SYNE1: variants seen among roughly 807,000 people sequenced by gnomAD.
SYNE1 encodes the protein nesprin-1.
SYNE1 carries 616 observed loss-of-function variants against 1,111.0 expected under a neutral mutation model. That is an observed-to-expected ratio of 0.55 (90% CI 0.52 to 0.59). SYNE1 has a LOEUF of 0.59. SYNE1 is among the 20% of genes least tolerant of loss of function. SYNE1 has a pLI of 0.00. For synonymous variants in SYNE1, 3,855 were observed against 3,825.8 expected, an observed-to-expected ratio of 1.01 and a Z score of -0.28; for missense variants, 10,006 against 10,417.0, an observed-to-expected ratio of 0.96 and a Z score of 1.72.
At chr6:152,193,881 T>C (rs775863787) in intron 127 of SYNE1, among the ~76,000 whole-genome samples, 51 of 151,574 alleles carry the variant, frequency 3.4e-4, no homozygotes, top group Middle Eastern at 6.8e-3. Flanking sequence ...GGCGTGGTGG[T>C]GGGTGCCTGT....
intron 59 of SYNE1, among the ~76,000 whole-genome samples, chr6:152,370,155 C>A (rs2097156025): frequency 6.6e-6 from 1 of 152,020 alleles, no homozygotes; most frequent in African/African-American, 2.4e-5. Context: ...CTCTCTGGCC[C>A]ACTTCTGAGA....
chr6:152,546,424 C>A (rs1368193065), intron 3 of SYNE1: 1 of 152,148 alleles, frequency 6.6e-6, no homozygotes, highest in Non-Finnish European at 1.5e-5. Context: ...TGAGTCTGGG[C>A]TGGCATTGAG....
chr6:152,605,017 A>AGG (rs2099609443), intron 3 of SYNE1, among the ~76,000 whole-genome samples: 3 of 65,422 alleles, frequency 4.6e-5, no homozygotes, highest in African/African-American at 2.2e-4. Context: ...AGAGAGAGAG[A>AGG]GAGAGAGAGA....
intron 55 of SYNE1, among the ~76,000 whole-genome samples, chr6:152,382,350 G>C (rs1312299026): frequency 1.3e-5 from 2 of 152,086 alleles, no homozygotes; most frequent in Non-Finnish European, 2.9e-5. Context: ...AGAAACATTG[G>C]AATGTTAAGT....
At chr6:152,369,782 A>T (rs930217422) in intron 59 of SYNE1, among the ~76,000 whole-genome samples, 168 bp from the exon 60 acceptor site, 2 of 152,068 alleles carry the variant, frequency 1.3e-5, no homozygotes, top group African/African-American at 4.8e-5. Flanking sequence ...CAGGAGTTCA[A>T]GACCAGCCTA....
chr6:152,346,926 G>T (rs182543947), intron 73 of SYNE1, 133 bp downstream of exon 73: 49 of 1,030,566 alleles, frequency 4.8e-5, no homozygotes, highest in Non-Finnish European at 6.4e-5. Context: ...ATTTATCCTC[G>T]TATTTCCTGT....
At chr6:152,602,654 G>C (rs1368393675) in intron 3 of SYNE1, among the ~76,000 whole-genome samples, 2 of 152,118 alleles carry the variant, frequency 1.3e-5, no homozygotes, top group Non-Finnish European at 2.9e-5. Flanking sequence ...ATGTGTTTTT[G>C]TTATTTTCAA....
chr6:152,318,418 G>A, intron 85 of SYNE1, 155 bp from the exon 86 acceptor site: 1 of 814,142 alleles, frequency 1.2e-6, no homozygotes, highest in Non-Finnish European at 2.0e-6. Context: ...TTCTTCGGTT[G>A]GAAAGGCAGG....
At position 152,244,567 on chromosome 6, in the gene SYNE1, C is replaced by T. The variant is rs1411241192; in HGVS notation, c.19662G>A (p.Gln6554=). The T allele has an allele frequency of 2.5e-6, 4 of 1,614,092 alleles. No individual in the cohort carries two copies. Among genetic ancestry groups the T allele is most frequent in the Non-Finnish European group, 3.4e-6 (4 of 1,179,966 alleles). The change falls in exon 106 of 146, where the codon CAG becomes CAA. Residue 6554 remains glutamine, a synonymous_variant. Coordinates refer to ENST00000367255, the MANE Select transcript of SYNE1 (RefSeq NM_182961.4). ...KRRGDKLQVE[Q]PSMQELSKLQ... ...GCTTGGAGAGTTCTTGCATGGACGG[C>T]TGCTCGACCTGTAGCTTGTCACCAC... is the stretch of plus-strand genomic sequence containing the variant.
chr6:152,330,882 T>C lies in SYNE1; in HGVS notation c.13803A>G (p.Gln4601=), dbSNP rs1304192816. The C allele has an allele frequency of 1.2e-6, 2 of 1,614,104 alleles. No individual in the cohort carries two copies. The highest frequency in any genetic ancestry group is 1.7e-6 in the Non-Finnish European group (2 of 1,179,944). The change falls in exon 78 of 146, where the codon CAA becomes CAG. Residue 4601 remains glutamine, a synonymous_variant. Transcript: ENST00000367255. ...CAAGAATGTTTTGGTATTTAGCCAG[T>C]TGTGTATGAAGCTCAGAACTCTCAT... ...LMNESSELHT[Q]LAKYQNILEQ... is the part of the protein sequence containing the mutation.
Position 152,331,888 on chromosome 6 carries a change from G to T in SYNE1, c.12797C>A (p.Ser4266Tyr). The T allele has an allele frequency of 6.2e-7, 1 of 1,611,210 alleles. No homozygotes were observed. The highest frequency in any genetic ancestry group is 8.5e-7 in the Non-Finnish European group (1 of 1,179,976). ...GTGGACAGCTGTACTCTCTGCATCA[G>T]ATCTGAAAATACATGGAAAGGTATA... Reference protein sequence around the residue: ...FTTEWDNLARSDAESTAVHLE... With the variant: ...FTTEWDNLARYDAESTAVHLE... The change falls in exon 78 of 146, where the codon TCT (serine) becomes TAT (tyrosine). Residue 4266 changes from serine (S) to tyrosine (Y), a missense_variant and splice_region_variant. By Grantham distance (144) the Ser-to-Tyr change is moderately radical (BLOSUM62 -2). Coordinates refer to ENST00000367255, the MANE Select transcript of SYNE1 (RefSeq NM_182961.4).
chr6:152,466,191 A>C (rs2098766196), intron 16 of SYNE1, 113 bp from the exon 17 acceptor site: 4 of 674,258 alleles, frequency 5.9e-6, no homozygotes, highest in Non-Finnish European at 1.1e-5. Flanking sequence ...TGTTAATCTC[A>C]GTCTTCTTGA....
chr6:152,365,151 G>T, intron 62 of SYNE1, 132 bp from the exon 63 acceptor site: 1 of 1,145,350 alleles, frequency 8.7e-7, no homozygotes, highest in Non-Finnish European at 1.3e-6. Context: ...AGTCGGCTGA[G>T]ACAGAGGGTG....
Position 152,461,574 on chromosome 6 carries a change from T to C in SYNE1, c.2394+23A>G, listed in dbSNP as rs200897414. 1.4e-4 allele frequency: 230 copies of C among 1,613,874 alleles called. 1 individual carries two copies. In the African/African-American group the frequency reaches 2.5e-3, roughly 18 times the overall value. ...GCACTGTTGGTGTCACACAGCCTAT[T>C]GTGCATTAAATTATTTTCGCACCTT... On this transcript the variant is annotated intron_variant, in intron 21 of 145. Coordinates refer to ENST00000367255, the MANE Select transcript of SYNE1 (RefSeq NM_182961.4).
At chr6:152,620,134 A>G (rs530348610) in intron 3 of SYNE1, among the ~76,000 whole-genome samples, 1,618 of 118,720 alleles carry the variant, frequency 0.014, 23 homozygotes, top group African/African-American at 0.04. Context: ...AAAGAAAATT[A>G]ACAACATTAA....
At chr6:152,377,635 AAAAAAATATAT>A (rs1328274837) in intron 56 of SYNE1, among the ~76,000 whole-genome samples, 1 of 79,014 alleles carries the variant, frequency 1.3e-5, no homozygotes, top group African/African-American at 6.5e-5. Flanking sequence ...AAAAAAAAAA[AAAAAAATATAT>A]ATATATATAT....
rs748404200 is a variant in SYNE1, at chr6:152,208,031, C to T, written c.22765G>A (p.Gly7589Ser). ...AGTGGTATAGGAACACTTCCGAGACCACTCATGGGGAGGTAGGACACTTCA... is the reference window on the plus strand; with the variant it reads ...AGTGGTATAGGAACACTTCCGAGACTACTCATGGGGAGGTAGGACACTTCA... Reference protein sequence around the residue: ...LVEVSYLPMSGLGSVPIPLQQ... With the variant: ...LVEVSYLPMSSLGSVPIPLQQ... Residue 7589 changes from glycine to serine, a missense_variant, in exon 125 of 146, where the codon GGT (glycine) becomes AGT (serine). By Grantham distance (56) the Gly-to-Ser change is moderately conservative. Transcript: ENST00000367255. 24 of 1,614,154 alleles carry T rather than the reference C, an allele frequency of 1.5e-5. No individual in the cohort carries two copies. Among genetic ancestry groups the T allele is most frequent in the Non-Finnish European group, 1.9e-5 (23 of 1,180,022 alleles).
chr6:152,190,672 A>G (rs910050090), intron 127 of SYNE1, among the ~76,000 whole-genome samples: 7 of 152,138 alleles, frequency 4.6e-5, no homozygotes, highest in Admixed American at 6.6e-5. Context: ...ATACTTTTCT[A>G]TTTTTTGTAA....
At chr6:152,240,094 G>A (rs907946641) in intron 107 of SYNE1, among the ~76,000 whole-genome samples, 1 of 152,156 alleles carries the variant, frequency 6.6e-6, no homozygotes, top group African/African-American at 2.4e-5. Flanking sequence ...TGCATTTCTA[G>A]AGGAGAGTGA....
Sources: allele counts gnomAD v4.1 joint callset (sites outside exome capture counted in the v4.1 genomes callset), GRCh38; gene constraint gnomAD v4.1.1; transcripts MANE v1.5; gene names NCBI Gene and HGNC (gene_info 2026-07-23, HGNC 2026-07-21).